Variants in UMAD1 observed in about 807,000 individuals in gnomAD.
The protein encoded by UMAD1 is UBAP1-MVB12-associated (UMA) domain containing 1, also known as UBAP1-MVB12-associated (UMA)-domain containing protein 1.
UMAD1 carries 8 observed loss-of-function variants against 6.1 expected under a neutral mutation model. That is an observed-to-expected ratio of 1.30 (90% CI 0.76 to 2.35). The LOEUF is 2.35. Among genes scored for constraint, UMAD1 ranks in the 30% most tolerant of loss-of-function variants. The pLI is 0.00. For missense variants in UMAD1, 130 were observed against 78.4 expected (o/e 1.66, Z -2.49); for synonymous variants, 56 against 31.4 (o/e 1.78, Z -2.61).
At position 7,691,243 on chromosome 7, in the gene UMAD1, A is replaced by G. The variant is rs951004844; in HGVS notation, c.82+17790A>G. On this transcript the variant is annotated intron_variant, in intron 2 of 3. Transcript: ENST00000682710. Reference sequence around the variant, plus strand: ...TTTCAAGCAAGTATTAGGCAGGTAAAATGTATGTATGAGGAAAAAATGGTT... The same window carrying G: ...TTTCAAGCAAGTATTAGGCAGGTAAGATGTATGTATGAGGAAAAAATGGTT... Among the ~76,000 whole-genome samples, 3 of 152,206 alleles carry G rather than the reference A, an allele frequency of 2.0e-5. No homozygotes were observed. The East Asian group carries it at 5.8e-4, about 29-fold the overall frequency.
intron 1 of UMAD1, chr7:7,641,572 G>A (rs890939168): frequency 6.6e-5 from 10 of 152,222 alleles, no homozygotes; most frequent in African/African-American, 2.2e-4. Flanking sequence ...GCGATCTGGA[G>A]GTCTGGAAGA....
chr7:7,870,091 A>C (rs1784307142), intron 3 of UMAD1, among the ~76,000 whole-genome samples: 3 of 152,222 alleles, frequency 2.0e-5, no homozygotes, highest in Non-Finnish European at 2.9e-5. Context: ...GAATGAAAAT[A>C]AATTTGGCCA....
chr7:7,812,222 C>T (rs1783034060), intron 3 of UMAD1, among the ~76,000 whole-genome samples: 1 of 152,154 alleles, frequency 6.6e-6, no homozygotes, highest in Non-Finnish European at 1.5e-5. Context: ...ATGAGAGCAA[C>T]CCTGTTTCCA....
chr7:7,736,026 A>G (rs766246413), intron 2 of UMAD1: 1 of 152,370 alleles, frequency 6.6e-6, no homozygotes, highest in South Asian at 2.1e-4. Flanking sequence ...GAGCTTTACC[A>G]TTTGGTGAGA....
In UMAD1 at chr7:7,646,301, G is replaced by A. The variant is rs1274922093; in HGVS notation, c.-64+5480G>A. ...TCTCAGTGGGATGGTGATACGGTTT[G>A]GCTGTGCCCCACTCAAATCTCATCT... is the stretch of plus-strand genomic sequence containing the variant. On this transcript the variant is annotated intron_variant, in intron 1 of 3. Transcript: ENST00000682710. Among the ~76,000 whole-genome samples the A allele has an allele frequency of 4.7e-5, 4 of 84,670 alleles. No individual in the cohort carries two copies. In the South Asian group the frequency reaches 1.7e-3, roughly 35 times the overall value. 55.5% of individuals were successfully genotyped at this position (84,670 alleles called of 152,430 possible).
intron 3 of UMAD1, among the ~76,000 whole-genome samples, chr7:7,851,330 T>C (rs1216698005): frequency 6.6e-6 from 1 of 152,236 alleles, no homozygotes; most frequent in Admixed American, 6.5e-5. Context: ...TGAGTTGTTT[T>C]CACCTTTTGA....
chr7:7,827,919 T>C (rs1264040425), intron 3 of UMAD1, among the ~76,000 whole-genome samples: 1 of 152,208 alleles, frequency 6.6e-6, no homozygotes, highest in Non-Finnish European at 1.5e-5. Context: ...AGGTTGTTCA[T>C]AGAATCAGTT....
At chr7:7,824,654 G>A (rs1412091723) in intron 3 of UMAD1, among the ~76,000 whole-genome samples, 2 of 152,094 alleles carry the variant, frequency 1.3e-5, no homozygotes, top group East Asian at 3.9e-4. Context: ...ACCAGTAGAA[G>A]TTTGGAAGAT....
chr7:7,661,959 A>G (rs568967519), intron 1 of UMAD1, among the ~76,000 whole-genome samples: 9 of 152,160 alleles, frequency 5.9e-5, no homozygotes, highest in Non-Finnish European at 1.3e-4. Flanking sequence ...AGTTTTGTTT[A>G]TAAGCCCCTG....
At chr7:7,855,584 G>A (rs1026940710) in intron 3 of UMAD1, among the ~76,000 whole-genome samples, 2 of 152,210 alleles carry the variant, frequency 1.3e-5, no homozygotes, top group Admixed American at 6.5e-5. Flanking sequence ...ACAGCAGGGG[G>A]GGCCCTAGAC....
intron 2 of UMAD1, among the ~76,000 whole-genome samples, chr7:7,732,675 C>T (rs1179983927): frequency 2.0e-5 from 3 of 152,124 alleles, no homozygotes; most frequent in Admixed American, 2.0e-4. Context: ...ATTCATGATC[C>T]TGGCTGGAAG....
chr7:7,685,565 C>A (rs1000205516), intron 2 of UMAD1, among the ~76,000 whole-genome samples: 1 of 152,132 alleles, frequency 6.6e-6, no homozygotes, highest in Non-Finnish European at 1.5e-5. Context: ...CCCCTGTAAT[C>A]CCAAAGTGCT....
At chr7:7,702,151 G>T (rs1780478327) in intron 2 of UMAD1, among the ~76,000 whole-genome samples, 1 of 152,108 alleles carries the variant, frequency 6.6e-6, no homozygotes, top group African/African-American at 2.4e-5. Flanking sequence ...TTGCAAGGAG[G>T]ATTTTATATG....
intron 2 of UMAD1, chr7:7,739,116 A>AC (rs1781413167): frequency 6.6e-6 from 1 of 152,268 alleles, no homozygotes; most frequent in African/African-American, 2.4e-5. Flanking sequence ...CTTAATTGTT[A>AC]CCTAAGTATA....
intron 1 of UMAD1, chr7:7,641,239 G>A (rs532282448): frequency 6.6e-6 from 1 of 152,304 alleles, no homozygotes; most frequent in South Asian, 2.1e-4. Context: ...TGGCCACACT[G>A]CGGAGGCGCC....
intron 2 of UMAD1, among the ~76,000 whole-genome samples, chr7:7,762,243 C>T (rs1329329303): frequency 3.9e-5 from 6 of 152,002 alleles, no homozygotes; most frequent in Non-Finnish European, 7.4e-5. Flanking sequence ...GTGTCTAATT[C>T]GGAGAACTTT....
chr7:7,855,444 C>T (rs1783997608), intron 3 of UMAD1, among the ~76,000 whole-genome samples: 1 of 152,236 alleles, frequency 6.6e-6, no homozygotes, highest in Non-Finnish European at 1.5e-5. Context: ...GCCCCAAGAC[C>T]AACACCACCT....
intron 3 of UMAD1, among the ~76,000 whole-genome samples, chr7:7,812,764 G>T (rs1321270900): frequency 2.0e-5 from 3 of 147,844 alleles, no homozygotes; most frequent in African/African-American, 5.0e-5. Context: ...AGAGGTCCAT[G>T]TTGGGAGAAC....
intron 2 of UMAD1, chr7:7,736,163 T>C (rs1463750625): frequency 1.3e-5 from 2 of 152,280 alleles, no homozygotes; most frequent in Non-Finnish European, 2.9e-5. Context: ...ATTTTCAGTG[T>C]TCTTAGTAGT....
Sources: allele counts gnomAD v4.1 joint callset (sites outside exome capture counted in the v4.1 genomes callset), GRCh38; gene constraint gnomAD v4.1.1; transcripts MANE v1.5; gene names NCBI Gene and HGNC (gene_info 2026-07-23, HGNC 2026-07-21).